The following RAI1 variants were observed in gnomAD, a reference collection of about 807,000 sequenced individuals.
RAI1 encodes retinoic acid-induced protein 1.
In RAI1, 9 loss-of-function variants were observed where a neutral mutation model predicts 123.8. The ratio of observed to expected loss-of-function variants is 0.07; its 90% confidence interval spans 0.04 to 0.13. The LOEUF (loss-of-function observed/expected upper bound fraction) is 0.13. RAI1 is among the 10% of genes least tolerant of loss of function. The pLI, the probability that RAI1 is intolerant of heterozygous loss-of-function variation, is 1.00. For synonymous variants in RAI1, 1,231 were observed against 1,127.3 expected (o/e 1.09, Z -1.84); for missense variants, 2,256 against 2,545.8 (o/e 0.89, Z 2.45).
At chr17:17,705,071 A>G (rs1915350547) in intron 1 of RAI1, among the ~76,000 whole-genome samples, 1 of 152,180 alleles carries the variant, frequency 6.6e-6, no homozygotes, top group Non-Finnish European at 1.5e-5. Context: ...AGGATAAACC[A>G]ACTTTTGTTG....
chr17:17,695,724 G>T (rs1164255142), intron 1 of RAI1, among the ~76,000 whole-genome samples: 1 of 152,078 alleles, frequency 6.6e-6, no homozygotes, highest in Non-Finnish European at 1.5e-5. Context: ...GTTTCACCTC[G>T]TTGGCCAGGC....
chr17:17,737,325 C>T (rs1462563735), intron 2 of RAI1, among the ~76,000 whole-genome samples: 1 of 152,156 alleles, frequency 6.6e-6, no homozygotes, highest in Non-Finnish European at 1.5e-5. Context: ...CCTTGTTTTG[C>T]ACATGGCCCG....
intron 3 of RAI1, 65 bp downstream of exon 3, chr17:17,798,578 G>T: frequency 6.3e-7 from 1 of 1,583,954 alleles, no homozygotes; most frequent in South Asian, 1.1e-5. Context: ...GCAGGCAGTC[G>T]GGGAGCCCCT....
At chr17:17,798,644 A>G (rs1309980396) in intron 3 of RAI1, 131 bp downstream of exon 3, 2 of 1,460,554 alleles carry the variant, frequency 1.4e-6, no homozygotes, top group African/African-American at 2.8e-5. Context: ...GACAATCTGC[A>G]GAGTCCTGAG....
In RAI1 at chr17:17,794,491, G is replaced by A. The variant is rs1302017285; in HGVS notation, c.1543G>A (p.Ala515Thr). The part of the protein sequence containing the change: ...PQSTHAEPQE[A>T]DYLSGSEDPL... ...GTCCACGCATGCGGAGCCGCAGGAG[G>A]CCGACTACCTGAGCGGCTCCGAGGA... The change falls in exon 3 of 6, where the codon GCC (alanine) becomes ACC (threonine). Residue 515 changes from alanine (A) to threonine (T), a missense_variant. Physicochemically the swap from Ala to Thr is moderately conservative, Grantham distance 58. Transcript: ENST00000353383. 1 of 1,611,982 alleles carries A rather than the reference G, an allele frequency of 6.2e-7. No individual in the cohort carries two copies. Among genetic ancestry groups the A allele is most frequent in the Non-Finnish European group, 8.5e-7 (1 of 1,179,450 alleles).
At chr17:17,715,187 C>T (rs1915671691) in intron 1 of RAI1, among the ~76,000 whole-genome samples, 1 of 152,238 alleles carries the variant, frequency 6.6e-6, no homozygotes, top group Admixed American at 6.5e-5. Context: ...CAATCCTCTC[C>T]TGGAGAGCCA....
chr17:17,784,014 C>G (rs2031727179), intron 2 of RAI1, among the ~76,000 whole-genome samples: 1 of 152,152 alleles, frequency 6.6e-6, no homozygotes, highest in Non-Finnish European at 1.5e-5. Flanking sequence ...TCTTCCAATC[C>G]CCCTCCCTCT....
chr17:17,703,299 G>T (rs1467517126), intron 1 of RAI1, among the ~76,000 whole-genome samples: 1 of 152,172 alleles, frequency 6.6e-6, no homozygotes, highest in Admixed American at 6.5e-5. Context: ...GGGAGGCCAG[G>T]CTGACGTAGG....
rs541942862 is a variant in RAI1 at position 17,723,342 on chromosome 17, C to G, written c.-148-686C>G. On this transcript the variant is annotated intron_variant, in intron 1 of 5. Coordinates refer to ENST00000353383, the MANE Select transcript of RAI1 (RefSeq NM_030665.4). ...ACATTCACTAGCTTGTATCCAGACCCCCCCCCCCAAGCCCCGTGACATTCA... is the reference window on the plus strand; with the variant it reads ...ACATTCACTAGCTTGTATCCAGACCGCCCCCCCCAAGCCCCGTGACATTCA... Among the ~76,000 whole-genome samples, 13 of 25,040 alleles carry G rather than the reference C, an allele frequency of 5.2e-4. No individual in the cohort carries two copies. The East Asian group carries it at 8.2e-3, about 16-fold the overall frequency. The allele number at this position is 25,040 out of a possible 152,430, so 16.4% of individuals were successfully genotyped here.
At position 17,799,237 on chromosome 17, in the gene RAI1, G is replaced by A. The variant is rs868402482; in HGVS notation, c.5565+724G>A. ...GTGCCTCCGTCCCCTCGCCCCTAACGTGGGTATGAGGGTGCCCATGGAGGA... is the reference window on the plus strand; with the variant it reads ...GTGCCTCCGTCCCCTCGCCCCTAACATGGGTATGAGGGTGCCCATGGAGGA... On this transcript the variant is annotated intron_variant, in intron 3 of 5. Coordinates refer to ENST00000353383, the MANE Select transcript of RAI1 (RefSeq NM_030665.4). The surrounding 1 kb of genome is among the most constrained non-coding windows in gnomAD (Gnocchi z 4.5). 2.0e-5 allele frequency among the ~76,000 whole-genome samples: 3 copies of A among 152,210 alleles called. No homozygotes were observed. Among genetic ancestry groups the A allele is most frequent in the Admixed American group, 6.5e-5 (1 of 15,290 alleles).
rs139168176 is a variant in RAI1, at chr17:17,695,388, G to A, written c.-149+13595G>A. Reference sequence around the variant, plus strand: ...TGGGAGGCACATTCCTACCTCCTGAGCTCGGGCACCCCGCCTGCCCTGGGG... The same window carrying A: ...TGGGAGGCACATTCCTACCTCCTGAACTCGGGCACCCCGCCTGCCCTGGGG... On this transcript the variant is annotated intron_variant, in intron 1 of 5. Transcript: ENST00000353383. Among the ~76,000 whole-genome samples, 8 of 152,254 alleles carry A rather than the reference G, an allele frequency of 5.3e-5. No individual in the cohort carries two copies. The East Asian group carries it at 1.6e-3, about 30-fold the overall frequency.
At chr17:17,739,638 C>G (rs538521566) in intron 2 of RAI1, among the ~76,000 whole-genome samples, 1 of 152,366 alleles carries the variant, frequency 6.6e-6, no homozygotes, top group African/African-American at 2.4e-5. Context: ...CCACACATTC[C>G]AGCACCTGCC....
chr17:17,721,779 CAG>C (rs756240220), intron 1 of RAI1, among the ~76,000 whole-genome samples: 62 of 152,352 alleles, frequency 4.1e-4, no homozygotes, highest in Non-Finnish European at 7.5e-4. Context: ...ATATTGAAGA[CAG>C]AGACTAAGCA....
intron 2 of RAI1, among the ~76,000 whole-genome samples, chr17:17,740,939 G>T (rs1916604069): frequency 9.3e-6 from 1 of 107,002 alleles, no homozygotes; most frequent in South Asian, 3.4e-4. Flanking sequence ...CTTTGCCCTT[G>T]AACAGGGAGG....
chr17:17,725,287 T>C (rs1916047358), intron 2 of RAI1, among the ~76,000 whole-genome samples: 2 of 152,114 alleles, frequency 1.3e-5, no homozygotes, highest in South Asian at 2.1e-4. Flanking sequence ...CAATGCGGGC[T>C]GAAAGAGGTG....
intron 2 of RAI1, among the ~76,000 whole-genome samples, chr17:17,750,318 T>C (rs2030105143): frequency 6.6e-6 from 1 of 152,192 alleles, no homozygotes; most frequent in African/African-American, 2.4e-5. Context: ...TTTTCTCAAA[T>C]TAGTCCATTT....
chr17:17,739,033 C>G (rs1441314721), intron 2 of RAI1, among the ~76,000 whole-genome samples: 1 of 152,196 alleles, frequency 6.6e-6, no homozygotes, highest in African/African-American at 2.4e-5. Flanking sequence ...GTGGGAACAG[C>G]CTGCCCAAGG....
intron 2 of RAI1, among the ~76,000 whole-genome samples, chr17:17,784,574 C>T (rs1037511153): frequency 3.9e-5 from 6 of 152,172 alleles, no homozygotes; most frequent in African/African-American, 7.2e-5. Flanking sequence ...AAGTGTCTTC[C>T]CGTGGCTCGT....
intron 2 of RAI1, among the ~76,000 whole-genome samples, chr17:17,738,502 A>C (rs569095210): frequency 6.6e-6 from 1 of 152,134 alleles, no homozygotes; most frequent in Non-Finnish European, 1.5e-5. Context: ...GCTGCCCTAC[A>C]CGGCCTTGGG....
Sources: allele counts gnomAD v4.1 joint callset (sites outside exome capture counted in the v4.1 genomes callset), GRCh38; gene constraint gnomAD v4.1.1; non-coding constraint Gnocchi (gnomAD v3.1); transcripts MANE v1.5; gene names NCBI Gene and HGNC (gene_info 2026-07-23, HGNC 2026-07-21).